The following TMEM178B variants were observed in gnomAD, a reference collection of about 807,000 sequenced individuals.
TMEM178B encodes transmembrane protein 178B.
TMEM178B carries 5 observed loss-of-function variants against 31.0 expected under a neutral mutation model. The observed-to-expected ratio is 0.16, with a 90% CI of 0.08 to 0.34. The LOEUF is 0.34. Ranked by LOEUF, TMEM178B falls within the 10% of genes least tolerant of loss-of-function variation. The pLI is 1.00. For missense variants in TMEM178B, 275 were observed against 400.3 expected (o/e 0.69, Z 2.67); for synonymous variants, 164 against 164.0 (o/e 1.00, Z 0.00).
In TMEM178B at chr7:141,474,217, A is replaced by G. The variant is rs1372276974; in HGVS notation, c.*3431A>G. Reference sequence around the variant, plus strand: ...GAGATTCAGGAAAGTGAGGTATTCTACCTAGAGAGAGGTCCCATATCTTTT... The same window carrying G: ...GAGATTCAGGAAAGTGAGGTATTCTGCCTAGAGAGAGGTCCCATATCTTTT... On this transcript the variant is annotated 3_prime_UTR_variant, in exon 4 of 4. Coordinates refer to ENST00000565468, the MANE Select transcript of TMEM178B (RefSeq NM_001195278.2). The G allele has an allele frequency of 6.6e-6, 1 of 152,154 alleles. No individual in the cohort carries two copies. Among genetic ancestry groups the G allele is most frequent in the East Asian group, 1.9e-4 (1 of 5,190 alleles). 9.4% of individuals were successfully genotyped at this position (152,154 alleles called of 1,614,324 possible).
At chr7:141,249,920 G>A (rs569659092) in intron 2 of TMEM178B, among the ~76,000 whole-genome samples, 64 of 152,254 alleles carry the variant, frequency 4.2e-4, no homozygotes, top group African/African-American at 1.4e-3. Flanking sequence ...TAGTGGAGAT[G>A]ATTAATTCAA....
chr7:141,215,464 T>C (rs1797117643), intron 2 of TMEM178B, among the ~76,000 whole-genome samples: 1 of 152,078 alleles, frequency 6.6e-6, no homozygotes, highest in East Asian at 1.9e-4. Flanking sequence ...TAGCTGGGAC[T>C]ACAGGCGTGT....
At chr7:141,286,786 T>A (rs560936083) in intron 2 of TMEM178B, among the ~76,000 whole-genome samples, 2 of 152,344 alleles carry the variant, frequency 1.3e-5, no homozygotes, top group East Asian at 3.9e-4. Flanking sequence ...TTGTCTATAA[T>A]TAATCTGTAC....
At chr7:141,507,280 A>C in the TMEM178B span, among the ~76,000 whole-genome samples, 1 of 152,250 alleles carries the variant, frequency 6.6e-6, no homozygotes, top group Non-Finnish European at 1.5e-5. Flanking sequence ...CTGCCCTAGC[A>C]GAGGTTCTCT....
chr7:141,101,803 A>G (rs1053483448), intron 1 of TMEM178B, among the ~76,000 whole-genome samples: 2 of 152,188 alleles, frequency 1.3e-5, no homozygotes, highest in African/African-American at 2.4e-5. Context: ...CCTGCTCTTC[A>G]TGAATTAGCC....
At chr7:141,075,482 T>G (rs1794587206) in intron 1 of TMEM178B, among the ~76,000 whole-genome samples, 1 of 152,208 alleles carries the variant, frequency 6.6e-6, no homozygotes, top group Non-Finnish European at 1.5e-5. Context: ...TGATAAAAAT[T>G]TATTTGATAC....
intron 2 of TMEM178B, among the ~76,000 whole-genome samples, chr7:141,237,416 T>C (rs1202669967): frequency 3.3e-5 from 5 of 152,222 alleles, no homozygotes; most frequent in African/African-American, 1.2e-4. Context: ...CCATTAAATG[T>C]GACATTTGCG....
intron 2 of TMEM178B, among the ~76,000 whole-genome samples, chr7:141,313,715 G>A (rs779241512): frequency 3.9e-5 from 6 of 151,920 alleles, no homozygotes; most frequent in Non-Finnish European, 8.8e-5. Context: ...TCTGTGAGTT[G>A]ACAGTCTGAA....
chr7:141,286,221 T>C (rs770264611), intron 2 of TMEM178B, among the ~76,000 whole-genome samples: 6 of 152,292 alleles, frequency 3.9e-5, no homozygotes, highest in Non-Finnish European at 8.8e-5. Flanking sequence ...AACATATGCA[T>C]TTTTACTTTA....
chr7:141,207,130 G>T (rs2366079), intron 1 of TMEM178B, among the ~76,000 whole-genome samples: 98,600 of 152,132 alleles, frequency 0.65, 32,496 homozygotes, highest in Non-Finnish European at 0.7. Context: ...TTTAAAGACC[G>T]ATTATATGGC....
chr7:141,123,177 T>C (rs571316246), intron 1 of TMEM178B, among the ~76,000 whole-genome samples: 1 of 152,124 alleles, frequency 6.6e-6, no homozygotes, highest in African/African-American at 2.4e-5. Flanking sequence ...CACAGGAAAA[T>C]AGAAATTATG....
At chr7:141,470,404 C>A in intron 3 of TMEM178B, 132 bp from the exon 4 acceptor site, 1 of 925,764 alleles carries the variant, frequency 1.1e-6, no homozygotes, top group East Asian at 2.9e-5. Context: ...CCTGCTCTTA[C>A]CTAGACTTCC....
At position 141,459,438 on chromosome 7, in the gene TMEM178B, C is replaced by T. The variant is rs930960836; in HGVS notation, c.635-11098C>T. Among the ~76,000 whole-genome samples the T allele has an allele frequency of 3.3e-5, 5 of 152,144 alleles. No homozygotes were observed. In the South Asian group the frequency reaches 6.2e-4, roughly 19 times the overall value. On this transcript the variant is annotated intron_variant, in intron 3 of 3. Transcript: ENST00000565468. ...GGATACCAAAGGAGACACCACCACG[C>T]CAGTTCTTGAGAAATTCACAGGCTG...
intron 3 of TMEM178B, among the ~76,000 whole-genome samples, chr7:141,460,116 A>G (rs1262075576): frequency 6.6e-6 from 1 of 152,212 alleles, no homozygotes; most frequent in South Asian, 2.1e-4. Flanking sequence ...ATATTCACCT[A>G]TTGTATTACT....
At position 141,362,825 on chromosome 7, in the gene TMEM178B, C is replaced by G. The variant is rs58342033; in HGVS notation, c.497-74783C>G. ...TACAGGAGAAGTGGAAAGGAAACCACCCGGGCTGTAGCCATTTCTCCTGGA... is the reference window on the plus strand; with the variant it reads ...TACAGGAGAAGTGGAAAGGAAACCAGCCGGGCTGTAGCCATTTCTCCTGGA... On this transcript the variant is annotated intron_variant, in intron 2 of 3. Coordinates refer to ENST00000565468, the MANE Select transcript of TMEM178B (RefSeq NM_001195278.2). Among the ~76,000 whole-genome samples the G allele has an allele frequency of 5.0e-3, 769 of 152,300 alleles. 6 individuals are homozygous for G. The highest frequency in any genetic ancestry group is 0.017 in the African/African-American group (726 of 41,570).
intron 2 of TMEM178B, among the ~76,000 whole-genome samples, chr7:141,359,929 GT>G (rs1799889129): frequency 6.6e-6 from 1 of 152,172 alleles, no homozygotes. Context: ...AGCGAAAGGG[GT>G]TTCCCCCTTC....
intron 2 of TMEM178B, among the ~76,000 whole-genome samples, chr7:141,410,714 C>CT (rs569022615): frequency 5.2e-4 from 79 of 152,206 alleles, no homozygotes; most frequent in East Asian, 1.5e-3. Flanking sequence ...CTCCTCACCT[C>CT]TTTTTTGGCA....
At chr7:141,482,154 C>G (rs913559966), downstream of TMEM178B, among the ~76,000 whole-genome samples, 10 of 152,222 alleles carry the variant, frequency 6.6e-5, no homozygotes, top group Non-Finnish European at 1.3e-4. Context: ...AACACACCTA[C>G]TCCTCCTCAC....
At chr7:141,435,996 C>T (rs901339534) in intron 2 of TMEM178B, among the ~76,000 whole-genome samples, 2 of 152,146 alleles carry the variant, frequency 1.3e-5, no homozygotes, top group Admixed American at 1.3e-4. Context: ...CCTCCTGTGC[C>T]CCGTCTCTCC....
Sources: allele counts gnomAD v4.1 joint callset (sites outside exome capture counted in the v4.1 genomes callset), GRCh38; gene constraint gnomAD v4.1.1; transcripts MANE v1.5; gene names NCBI Gene and HGNC (gene_info 2026-07-23, HGNC 2026-07-21).